Variants in SETD2 observed in about 807,000 individuals in gnomAD.
SETD2 encodes the protein histone-lysine N-methyltransferase SETD2.
A neutral mutation model predicts 242.1 loss-of-function variants in SETD2; 31 were observed. The ratio of observed to expected loss-of-function variants is 0.13; its 90% CI spans 0.10 to 0.17. The LOEUF (loss-of-function observed/expected upper bound fraction) is 0.17. Among genes scored for constraint, SETD2 ranks in the 10% least tolerant of loss-of-function variants. SETD2 has a pLI of 1.00. For missense variants in SETD2, 2,481 were observed against 3,046.3 expected (o/e 0.81, Z 4.37); for synonymous variants, 1,006 against 1,066.5 (o/e 0.94, Z 1.11).
intron 17 of SETD2, among the ~76,000 whole-genome samples, chr3:47,042,131 G>A (rs9875235): frequency 0.65 from 98,836 of 152,084 alleles, 32,566 homozygotes; most frequent in African/African-American, 0.76. Flanking sequence ...GGCGGGCAGG[G>A]CAGATCACCT....
At chr3:47,079,082 T>G (rs2041221528) in intron 12 of SETD2, among the ~76,000 whole-genome samples, 1 of 152,158 alleles carries the variant, frequency 6.6e-6, no homozygotes, top group Non-Finnish European at 1.5e-5. Flanking sequence ...TTAGAGGAAT[T>G]TTTCACTGAA....
At chr3:47,063,707 G>A (rs946855573) in intron 13 of SETD2, among the ~76,000 whole-genome samples, 5 of 152,040 alleles carry the variant, frequency 3.3e-5, no homozygotes, top group African/African-American at 7.2e-5. Flanking sequence ...AATCTCGGCC[G>A]GGCACTGTGG....
intron 18 of SETD2, among the ~76,000 whole-genome samples, chr3:47,033,652 A>ATTTTTTTTTTTTTTTTTTTTT (rs34978514): frequency 1.1e-5 from 1 of 90,856 alleles, no homozygotes; most frequent in Non-Finnish European, 1.9e-5. Flanking sequence ...TCATGGTTTG[A>ATTTTTTTTTTTTTTTTTTTTT]TTTTTTTTTT....
At chr3:47,043,308 G>A (rs1396431873) in intron 16 of SETD2, among the ~76,000 whole-genome samples, 6 of 152,168 alleles carry the variant, frequency 3.9e-5, no homozygotes, top group Admixed American at 3.9e-4. Flanking sequence ...AAAAGAGTGA[G>A]GACTTTTTAT....
rs1417600727 is a variant in SETD2, at chr3:47,121,177, T to C, written c.3459A>G (p.Ile1153Met). The C allele has an allele frequency of 6.2e-7, 1 of 1,614,118 alleles. No individual in the cohort carries two copies. Among genetic ancestry groups the C allele is most frequent in the Non-Finnish European group, 8.5e-7 (1 of 1,179,958 alleles). The change falls in exon 3 of 21, where the codon ATA becomes ATG. Residue 1153 changes from isoleucine (I) to methionine (M), a missense_variant. By Grantham distance (10) the Ile-to-Met change is conservative. Around this residue, in one of 17 missense-constraint regions of SETD2, gnomAD observed 1,300 missense variants for 1,259.2 expected, o/e 1.03. Transcript: ENST00000409792. Reference sequence around the variant, plus strand: ...GAGAAAGTTCAGGCAGGCGATTATCTATTTGTTTTCTACTGGACTGTGTAA... The same window carrying C: ...GAGAAAGTTCAGGCAGGCGATTATCCATTTGTTTTCTACTGGACTGTGTAA... ...ISFTQSSRKQIDNRLPELSHP... is the reference protein window; with the variant it reads ...ISFTQSSRKQMDNRLPELSHP...
intron 1 of SETD2, among the ~76,000 whole-genome samples, chr3:47,136,103 C>T (rs1026141752): frequency 1.3e-5 from 2 of 152,078 alleles, no homozygotes; most frequent in Admixed American, 1.3e-4. Context: ...GAACTGATGA[C>T]GATTATCCCA....
intron 18 of SETD2, among the ~76,000 whole-genome samples, chr3:47,023,954 A>C (rs1396049467): frequency 1.3e-5 from 2 of 152,132 alleles, no homozygotes; most frequent in African/African-American, 2.4e-5. Context: ...CTTTTGGTTG[A>C]TTTTACTTGG....
At chr3:47,056,062 TAAA>T (rs1188750643) in intron 15 of SETD2, among the ~76,000 whole-genome samples, 1 of 101,112 alleles carries the variant, frequency 9.9e-6, no homozygotes, top group Non-Finnish European at 2.1e-5. Flanking sequence ...TTGTATAATC[TAAA>T]AAAAAAAAAA....
intron 18 of SETD2, among the ~76,000 whole-genome samples, chr3:47,034,665 T>G (rs998228075): frequency 6.6e-6 from 1 of 152,168 alleles, no homozygotes; most frequent in African/African-American, 2.4e-5. Context: ...AGACCCTGCC[T>G]CTAAAAACAA....
At chr3:47,052,297 A>G (rs1391825724) in intron 15 of SETD2, among the ~76,000 whole-genome samples, 1 of 152,090 alleles carries the variant, frequency 6.6e-6, no homozygotes, top group African/African-American at 2.4e-5. Flanking sequence ...CAGCTCTCCC[A>G]AATAGCTGGG....
At chr3:47,032,368 T>C (rs920069269) in intron 18 of SETD2, among the ~76,000 whole-genome samples, 1 of 151,740 alleles carries the variant, frequency 6.6e-6, no homozygotes, top group Non-Finnish European at 1.5e-5. Context: ...GTACAAAACT[T>C]AGCTACTTGG....
At chr3:47,126,060 T>C (rs930979228) in intron 2 of SETD2, among the ~76,000 whole-genome samples, 14 of 152,214 alleles carry the variant, frequency 9.2e-5, no homozygotes, top group African/African-American at 3.4e-4. Context: ...GACAGAGTCT[T>C]GCTCTGTTGC....
At chr3:47,071,101 G>A (rs779162014) in intron 12 of SETD2, among the ~76,000 whole-genome samples, 24 of 152,150 alleles carry the variant, frequency 1.6e-4, no homozygotes, top group Admixed American at 4.6e-4. Context: ...TTCCCAAGTA[G>A]CTGGCCTACA....
intron 9 of SETD2, among the ~76,000 whole-genome samples, chr3:47,095,433 C>A (rs1348657425): frequency 2.6e-5 from 4 of 152,140 alleles, no homozygotes; most frequent in Non-Finnish European, 4.4e-5. Context: ...CGTGCCTGGC[C>A]TGGAAAGTTT....
chr3:47,127,383 G>A (rs1051670120), intron 1 of SETD2, among the ~76,000 whole-genome samples: 4 of 151,188 alleles, frequency 2.6e-5, no homozygotes, highest in African/African-American at 9.7e-5. Context: ...GAGACGATTC[G>A]TTTTTGAAGA....
chr3:47,032,912 A>G (rs960013596), intron 18 of SETD2, among the ~76,000 whole-genome samples: 6 of 151,966 alleles, frequency 3.9e-5, no homozygotes, highest in Admixed American at 6.6e-5. Context: ...ACTGTCTCAG[A>G]GATGAAAAAA....
intron 5 of SETD2, among the ~76,000 whole-genome samples, chr3:47,109,045 A>G (rs2042550117): frequency 6.6e-6 from 1 of 152,132 alleles, no homozygotes; most frequent in Non-Finnish European, 1.5e-5. Flanking sequence ...GAATAGGGTC[A>G]CTTCATTGAA....
At chr3:47,075,624 T>C (rs527894133) in intron 12 of SETD2, among the ~76,000 whole-genome samples, 5 of 145,668 alleles carry the variant, frequency 3.4e-5, no homozygotes, top group South Asian at 2.2e-4. Context: ...AGAAACACAA[T>C]TGCATGAACT....
At chr3:47,036,006 GT>G (rs1347858624) in intron 18 of SETD2, among the ~76,000 whole-genome samples, 2 of 152,200 alleles carry the variant, frequency 1.3e-5, no homozygotes, top group African/African-American at 4.8e-5. Flanking sequence ...TGGATTGAAC[GT>G]AAGTGTGTAT....
Sources: allele counts gnomAD v4.1 joint callset (sites outside exome capture counted in the v4.1 genomes callset), GRCh38; gene constraint gnomAD v4.1.1; regional missense constraint gnomAD v4.1.1; transcripts MANE v1.5; gene names NCBI Gene and HGNC (gene_info 2026-07-23, HGNC 2026-07-21).